CAB39: variants seen among roughly 807,000 people sequenced by gnomAD.
The protein encoded by CAB39 is calcium binding protein 39.
CAB39 carries 8 observed loss-of-function variants against 40.0 expected under a neutral mutation model. That is an observed-to-expected ratio of 0.20 (90% confidence interval 0.12 to 0.36). CAB39 has a LOEUF of 0.36. Ranked by LOEUF, CAB39 falls within the 10% of genes least tolerant of loss-of-function variation. The pLI, the probability that CAB39 is intolerant of heterozygous loss-of-function variation, is 1.00. For missense variants in CAB39, 270 were observed against 401.1 expected (o/e 0.67, Z 2.79); for synonymous variants, 156 against 141.6 (o/e 1.10, Z -0.72).
chr2:230,724,457 G>A (rs909242797), intron 1 of CAB39, among the ~76,000 whole-genome samples: 7 of 152,030 alleles, frequency 4.6e-5, no homozygotes, highest in South Asian at 2.1e-4. Flanking sequence ...CGAGGTGGGC[G>A]GATCACCTGA....
At chr2:230,777,046 GT>G (rs1409601227) in intron 2 of CAB39, among the ~76,000 whole-genome samples, 1 of 152,142 alleles carries the variant, frequency 6.6e-6, no homozygotes, top group African/African-American at 2.4e-5. Context: ...TCTACATTGT[GT>G]AGTAGGGAAG....
chr2:230,785,501 TC>T (rs1292905910), intron 2 of CAB39, among the ~76,000 whole-genome samples: 1 of 151,570 alleles, frequency 6.6e-6, no homozygotes, highest in African/African-American at 2.4e-5. Flanking sequence ...GGAGATTGAC[TC>T]TGTGAGGAGG....
intron 2 of CAB39, among the ~76,000 whole-genome samples, chr2:230,768,918 A>G (rs1451862671): frequency 6.6e-6 from 1 of 152,260 alleles, no homozygotes; most frequent in Non-Finnish European, 1.5e-5. Flanking sequence ...CAGTAATCAC[A>G]TTGAATATAA....
At chr2:230,748,830 AAATATATATATATATATATATATAT>A (rs1296303311) in intron 1 of CAB39, among the ~76,000 whole-genome samples, 2 of 50,684 alleles carry the variant, frequency 3.9e-5, no homozygotes, top group African/African-American at 1.2e-4. Context: ...AAAAAAAAAA[AAATATATATATATATATATATATAT>A]ATATATATAT....
intron 4 of CAB39, among the ~76,000 whole-genome samples, chr2:230,794,747 C>T (rs1194816046): frequency 1.3e-5 from 2 of 152,160 alleles, no homozygotes; most frequent in Admixed American, 6.5e-5. Context: ...TGTAACATAC[C>T]GGTTCCTACC....
intron 2 of CAB39, among the ~76,000 whole-genome samples, chr2:230,785,897 G>T (rs1221939771): frequency 1.3e-5 from 2 of 151,510 alleles, no homozygotes. Context: ...GGGCGCGGTG[G>T]CTCACACCTG....
intron 1 of CAB39, among the ~76,000 whole-genome samples, chr2:230,747,545 T>G (rs369763391): frequency 6.6e-6 from 1 of 152,238 alleles, no homozygotes. Context: ...GAAAAGGTAG[T>G]GTTTATGTCT....
At chr2:230,716,281 C>T (rs1694348282) in intron 1 of CAB39, among the ~76,000 whole-genome samples, 1 of 152,184 alleles carries the variant, frequency 6.6e-6, no homozygotes, top group Admixed American at 6.5e-5. Flanking sequence ...GTATGCCACA[C>T]AGGGTCTTTA....
chr2:230,796,529 C>T (rs1695990659), intron 4 of CAB39, among the ~76,000 whole-genome samples: 1 of 152,124 alleles, frequency 6.6e-6, no homozygotes, highest in African/African-American at 2.4e-5. Flanking sequence ...GTCTTTCCTG[C>T]CTTCTAAAGC....
intron 5 of CAB39, chr2:230,799,155 TTAAG>T: frequency 2.5e-6 from 1 of 400,576 alleles, no homozygotes; most frequent in Non-Finnish European, 4.5e-6. Context: ...TAAATTATAA[TTAAG>T]TATGGTATAC....
intron 1 of CAB39, among the ~76,000 whole-genome samples, chr2:230,740,784 G>A (rs1054779015): frequency 3.3e-5 from 5 of 152,256 alleles, no homozygotes; most frequent in Middle Eastern, 6.8e-3. Context: ...TTACTAGCAG[G>A]TCACTGGACC....
intron 5 of CAB39, among the ~76,000 whole-genome samples, chr2:230,807,753 G>A (rs1186208865): frequency 6.6e-6 from 1 of 152,142 alleles, no homozygotes; most frequent in Non-Finnish European, 1.5e-5. Context: ...CACCTAGAGG[G>A]CCTTTGCTTT....
intron 2 of CAB39, among the ~76,000 whole-genome samples, chr2:230,766,051 C>A (rs565811362): frequency 1.4e-4 from 22 of 152,290 alleles, no homozygotes; most frequent in African/African-American, 2.9e-4. Context: ...AGTTCACTTT[C>A]TTATCAGGAT....
chr2:230,714,646 A>T (rs988064550), intron 1 of CAB39, among the ~76,000 whole-genome samples: 5 of 152,244 alleles, frequency 3.3e-5, no homozygotes, highest in African/African-American at 7.2e-5. Flanking sequence ...GATGATTTTT[A>T]AAAAATGGTT....
intron 2 of CAB39, among the ~76,000 whole-genome samples, chr2:230,773,314 A>ATATATATATGTGTGTG (rs371297550): frequency 5.4e-4 from 72 of 132,674 alleles, no homozygotes; most frequent in African/African-American, 2.1e-3. Context: ...ATATATATAT[A>ATATATATATGTGTGTG]TGTGTGTGTG....
chr2:230,768,291 G>A (rs1695421920), intron 2 of CAB39, among the ~76,000 whole-genome samples: 2 of 152,136 alleles, frequency 1.3e-5, no homozygotes, highest in Admixed American at 1.3e-4. Context: ...GCCAACTACT[G>A]TATTATATTT....
intron 2 of CAB39, among the ~76,000 whole-genome samples, chr2:230,787,554 TTACCAAGCAG>T (rs1695814765): frequency 6.6e-6 from 1 of 152,224 alleles, no homozygotes; most frequent in African/African-American, 2.4e-5. Flanking sequence ...AGACCTGTCT[TTACCAAGCAG>T]TACCTGTGAA....
intron 2 of CAB39, among the ~76,000 whole-genome samples, chr2:230,764,138 A>C (rs1695343213): frequency 6.6e-6 from 1 of 152,020 alleles, no homozygotes; most frequent in African/African-American, 2.4e-5. Context: ...AAAAAAAACA[A>C]AACAAAGAAA....
intron 1 of CAB39, among the ~76,000 whole-genome samples, chr2:230,734,984 A>G (rs1197229384): frequency 1.3e-5 from 2 of 152,114 alleles, no homozygotes; most frequent in Non-Finnish European, 2.9e-5. Context: ...CAAGTGACCA[A>G]TACTTGTTGA....
Sources: gnomAD v4.1 joint callset for allele counts (sites outside exome capture counted in the v4.1 genomes callset) on GRCh38, gnomAD v4.1.1 for gene constraint, MANE v1.5 for transcripts, NCBI Gene and HGNC (gene_info 2026-07-23, HGNC 2026-07-21) for gene names.